The following SUGCT variants were observed in gnomAD, a reference collection of about 807,000 sequenced individuals.
SUGCT encodes the protein succinyl-CoA:glutarate-CoA transferase.
A neutral mutation model predicts 55.0 loss-of-function variants in SUGCT; 41 were observed. That is an observed-to-expected ratio of 0.74 (90% CI 0.58 to 0.97). SUGCT has a LOEUF of 0.97. Ranked by LOEUF, SUGCT falls within the 50% of genes least tolerant of loss-of-function variation. SUGCT has a pLI of 0.00. For synonymous variants in SUGCT, 187 were observed against 200.4 expected (o/e 0.93, Z 0.56); for missense variants, 568 against 547.8 (o/e 1.04, Z -0.37).
intron 3 of SUGCT, among the ~76,000 whole-genome samples, chr7:40,183,829 T>G (rs186499468): frequency 2.6e-5 from 4 of 152,272 alleles, no homozygotes; most frequent in African/African-American, 9.6e-5. Flanking sequence ...TGGTATCATC[T>G]TAGCATTTTG....
intron 11 of SUGCT, among the ~76,000 whole-genome samples, chr7:40,491,992 A>AAAAAAATAAAT (rs1791709393): frequency 2.7e-5 from 4 of 150,028 alleles, no homozygotes; most frequent in African/African-American, 1.0e-4. Flanking sequence ...TCTGTTTCCA[A>AAAAAAATAAAT]AAATAAATAA....
chr7:40,806,645 A>G (rs2128753735), intron 13 of SUGCT, among the ~76,000 whole-genome samples: 1 of 152,308 alleles, frequency 6.6e-6, no homozygotes, highest in South Asian at 2.1e-4. Flanking sequence ...ATCAGGTTCT[A>G]ATTTCCACAT....
chr7:40,842,380 A>C (rs949064986), intron 13 of SUGCT, among the ~76,000 whole-genome samples: 2 of 152,172 alleles, frequency 1.3e-5, no homozygotes, highest in African/African-American at 4.8e-5. Context: ...TTAAAGTCTG[A>C]CAGTGTTTTC....
chr7:40,205,910 G>C (rs749517959), intron 6 of SUGCT, among the ~76,000 whole-genome samples: 2 of 152,100 alleles, frequency 1.3e-5, no homozygotes, highest in Non-Finnish European at 2.9e-5. Flanking sequence ...TAGAAATACA[G>C]TATAAATTTA....
chr7:40,611,347 A>G (rs934493961), intron 12 of SUGCT, among the ~76,000 whole-genome samples: 7 of 152,306 alleles, frequency 4.6e-5, no homozygotes, highest in Non-Finnish European at 4.4e-5. Flanking sequence ...CTGCATCATA[A>G]TGGTTAGTAA....
At chr7:40,316,051 A>C (rs2151108659) in intron 8 of SUGCT, among the ~76,000 whole-genome samples, 1 of 152,274 alleles carries the variant, frequency 6.6e-6, no homozygotes, top group Non-Finnish European at 1.5e-5. Context: ...AAGGTTTTGG[A>C]TGACCCCTTT....
At chr7:40,181,903 A>G (rs1429429736) in intron 2 of SUGCT, 52 bp from the exon 3 acceptor site, 6 of 1,124,406 alleles carry the variant, frequency 5.3e-6, no homozygotes, top group Admixed American at 2.1e-5. Flanking sequence ...AATAATTAAT[A>G]TAAACATTTT....
chr7:40,979,337 A>G, the SUGCT span: 7 of 152,226 alleles, frequency 4.6e-5, no homozygotes, highest in Non-Finnish European at 8.8e-5. Flanking sequence ...GTACGTGTTA[A>G]TCTAAAGACC....
At chr7:40,907,337 G>A in the SUGCT span, among the ~76,000 whole-genome samples, 9 of 152,186 alleles carry the variant, frequency 5.9e-5, no homozygotes, top group African/African-American at 2.2e-4. Flanking sequence ...ATTCTATAAG[G>A]GGTGGTGTGT....
intron 12 of SUGCT, among the ~76,000 whole-genome samples, chr7:40,521,390 T>C (rs968416241): frequency 1.3e-5 from 2 of 152,128 alleles, no homozygotes; most frequent in Non-Finnish European, 2.9e-5. Context: ...AATTTTCCCT[T>C]TCTAATGGAA....
At chr7:40,596,841 A>G (rs1023014114) in intron 12 of SUGCT, among the ~76,000 whole-genome samples, 2 of 152,150 alleles carry the variant, frequency 1.3e-5, no homozygotes, top group Non-Finnish European at 2.9e-5. Context: ...TTTTTGTACT[A>G]TGCACATTTA....
intron 12 of SUGCT, among the ~76,000 whole-genome samples, chr7:40,715,265 A>G (rs1785960022): frequency 1.3e-5 from 2 of 152,208 alleles, no homozygotes; most frequent in African/African-American, 4.8e-5. Flanking sequence ...CAAACACAGC[A>G]AAGGTATTGA....
intron 9 of SUGCT, chr7:40,387,836 G>T (rs1785204993): frequency 1.3e-5 from 2 of 152,120 alleles, no homozygotes; most frequent in Admixed American, 1.3e-4. Context: ...TTACATCTTG[G>T]TGCTTTCTCA....
intron 12 of SUGCT, among the ~76,000 whole-genome samples, chr7:40,620,878 A>T (rs1193969809): frequency 1.3e-5 from 2 of 152,180 alleles, no homozygotes; most frequent in Non-Finnish European, 2.9e-5. Context: ...CAGTAGGGGA[A>T]ACTTCATCTA....
chr7:40,852,141 T>C (rs1793883326), intron 13 of SUGCT, among the ~76,000 whole-genome samples: 1 of 152,228 alleles, frequency 6.6e-6, no homozygotes, highest in South Asian at 2.1e-4. Context: ...AAAATAATCC[T>C]TGGCTTGTGC....
intron 6 of SUGCT, among the ~76,000 whole-genome samples, chr7:40,233,967 T>A (rs921903240): frequency 6.6e-6 from 1 of 152,244 alleles, no homozygotes. Flanking sequence ...TATACTTTAC[T>A]GCTTCCAATG....
At chr7:40,826,648 A>G (rs1201346469) in intron 13 of SUGCT, among the ~76,000 whole-genome samples, 1 of 152,204 alleles carries the variant, frequency 6.6e-6, no homozygotes. Flanking sequence ...ACAAAGAGTG[A>G]CCATTTAAAC....
chr7:40,947,840 C>G, the SUGCT span, among the ~76,000 whole-genome samples: 5 of 152,184 alleles, frequency 3.3e-5, no homozygotes, highest in African/African-American at 1.2e-4. Flanking sequence ...CTTCAATGCT[C>G]AAGCAGGCAG....
chr7:40,902,179 C>T, the SUGCT span, among the ~76,000 whole-genome samples: 2 of 152,220 alleles, frequency 1.3e-5, no homozygotes, highest in East Asian at 3.9e-4. Flanking sequence ...GCTGGTTTCC[C>T]TGCAAATCCA....
Sources: allele counts gnomAD v4.1 joint callset (sites outside exome capture counted in the v4.1 genomes callset), GRCh38; gene constraint gnomAD v4.1.1; transcripts MANE v1.5; gene names NCBI Gene and HGNC (gene_info 2026-07-23, HGNC 2026-07-21).